PAMR1: variants seen among roughly 807,000 people sequenced by gnomAD.
PAMR1 encodes the protein peptidase domain containing associated with muscle regeneration 1.
A neutral mutation model predicts 81.8 loss-of-function variants in PAMR1; 88 were observed. That is an observed-to-expected ratio of 1.08 (90% CI 0.91 to 1.28). The LOEUF is 1.28. Ranked by LOEUF, PAMR1 falls within the 50% of genes most tolerant of loss-of-function variation. The pLI, the probability that PAMR1 is intolerant of heterozygous loss-of-function variation, is 0.00. For missense variants in PAMR1, 935 were observed against 919.7 expected, an observed-to-expected ratio of 1.02 and a Z score of -0.21; for synonymous variants, 336 against 345.3, an observed-to-expected ratio of 0.97 and a Z score of 0.30.
chr11:35,466,716 G>A (rs1329445476), intron 6 of PAMR1, among the ~76,000 whole-genome samples: 2 of 115,434 alleles, frequency 1.7e-5, no homozygotes, highest in African/African-American at 7.6e-5. Flanking sequence ...GACAGAGAGA[G>A]GCTCTATCTC....
intron 6 of PAMR1, among the ~76,000 whole-genome samples, chr11:35,466,125 C>T (rs1404226559): frequency 6.6e-6 from 1 of 151,972 alleles, no homozygotes; most frequent in Non-Finnish European, 1.5e-5. Context: ...AGAAATTAAG[C>T]CTTCCCTCTT....
chr11:35,447,685 C>T (rs1461769674), intron 6 of PAMR1, among the ~76,000 whole-genome samples: 5 of 152,114 alleles, frequency 3.3e-5, no homozygotes, highest in East Asian at 1.9e-4. Flanking sequence ...ATCCTGTCAT[C>T]GTGATGCTCG....
At position 35,441,456 on chromosome 11, in the gene PAMR1, G is replaced by A. The variant is rs201085073; in HGVS notation, c.1033+25C>T. The A allele has an allele frequency of 2.5e-5, 39 of 1,555,966 alleles. No individual in the cohort carries two copies. The East Asian group carries it at 7.6e-4, about 30-fold the overall frequency. ...TCTAGCAACTTCATCAATGTCCGTA[G>A]ACTTCAGAAACAATTGTAAGTTACC... On this transcript the variant is annotated intron_variant, in intron 7 of 10. Coordinates refer to ENST00000619888, the MANE Select transcript of PAMR1 (RefSeq NM_001001991.3).
At chr11:35,433,297 T>C (rs1855951344) in intron 10 of PAMR1, among the ~76,000 whole-genome samples, 1 of 152,258 alleles carries the variant, frequency 6.6e-6, no homozygotes, top group African/African-American at 2.4e-5. Flanking sequence ...ATTAAAAATA[T>C]GTTTCAGCAC....
At chr11:35,445,112 G>T (rs979076142) in intron 6 of PAMR1, among the ~76,000 whole-genome samples, 7 of 152,088 alleles carry the variant, frequency 4.6e-5, no homozygotes, top group African/African-American at 1.7e-4. Context: ...ATTGTGAATG[G>T]GAGTTCATTC....
chr11:35,498,214 T>C (rs1266180003), intron 1 of PAMR1, among the ~76,000 whole-genome samples: 1 of 152,234 alleles, frequency 6.6e-6, no homozygotes, highest in Non-Finnish European at 1.5e-5. Flanking sequence ...CATTTTATGT[T>C]ATCTACATAT....
chr11:35,518,672 T>C (rs535612739), intron 1 of PAMR1, among the ~76,000 whole-genome samples: 2 of 151,944 alleles, frequency 1.3e-5, no homozygotes, highest in South Asian at 2.1e-4. Context: ...AGTGGAATTA[T>C]AAAGTAAATA....
intron 6 of PAMR1, among the ~76,000 whole-genome samples, chr11:35,456,979 A>G (rs1478966304): frequency 1.3e-5 from 2 of 152,206 alleles, no homozygotes; most frequent in Non-Finnish European, 2.9e-5. Context: ...CAGATAATGC[A>G]ACCCTAAAAT....
At chr11:35,468,445 AG>A (rs1297826250) in intron 5 of PAMR1, among the ~76,000 whole-genome samples, 1 of 152,224 alleles carries the variant, frequency 6.6e-6, no homozygotes, top group Admixed American at 6.5e-5. Context: ...CAGCGGACAG[AG>A]ACATCCTTGG....
At position 35,434,574 on chromosome 11, in the gene PAMR1, C is replaced by T. The variant is rs935760375; in HGVS notation, c.1564G>A (p.Val522Ile). The change falls in exon 10 of 11, where the codon GTT (valine) becomes ATT (isoleucine). Residue 522 changes from valine (V) to isoleucine (I), a missense_variant. Physicochemically the swap from Val to Ile is conservative, Grantham distance 29. Coordinates refer to ENST00000619888, the MANE Select transcript of PAMR1 (RefSeq NM_001001991.3). ...VTMIKTADLK[V>I]VLGKFYRDDD... ...TCCCGGTAGAATTTCCCCAAAACAACTTTCAGGTCTGCTGTCTTGATCATG... is the reference window on the plus strand; with the variant it reads ...TCCCGGTAGAATTTCCCCAAAACAATTTTCAGGTCTGCTGTCTTGATCATG... 2 of 1,614,114 alleles carry T rather than the reference C, an allele frequency of 1.2e-6. No homozygotes were observed. The highest frequency in any genetic ancestry group is 1.7e-5 in the Admixed American group (1 of 60,010).
At chr11:35,505,849 T>G (rs1317233050) in intron 1 of PAMR1, among the ~76,000 whole-genome samples, 1 of 152,130 alleles carries the variant, frequency 6.6e-6, no homozygotes, top group Non-Finnish European at 1.5e-5. Flanking sequence ...CTCATGTAAA[T>G]TTAGAGTTGT....
At chr11:35,515,286 C>T (rs983465230) in intron 1 of PAMR1, among the ~76,000 whole-genome samples, 4 of 152,140 alleles carry the variant, frequency 2.6e-5, no homozygotes, top group African/African-American at 9.7e-5. Flanking sequence ...TGTTACTGTC[C>T]TCCTATCCAG....
rs1276466127 is a variant in PAMR1, at chr11:35,492,096, C to A, written c.328G>T (p.Gly110Trp). The part of the protein sequence containing the change: ...GGTLDDFYVK[G>W]FYCAECRAGW... ...GCTCGGCACTCTGCACAGTAGAACC[C>A]CTTCACATAGAAGTCATCCAAGGTA... The change falls in exon 3 of 11, where the codon GGG becomes TGG. Residue 110 changes from glycine to tryptophan, a missense_variant. Transcript: ENST00000619888. 1 of 1,613,980 alleles carries A rather than the reference C, an allele frequency of 6.2e-7. No individual in the cohort carries two copies. The highest frequency in any genetic ancestry group is 1.3e-5 in the African/African-American group (1 of 74,902).
At chr11:35,481,096 A>T (rs947283513) in intron 3 of PAMR1, among the ~76,000 whole-genome samples, 1 of 152,174 alleles carries the variant, frequency 6.6e-6, no homozygotes, top group African/African-American at 2.4e-5. Context: ...TTCTTTATCC[A>T]GTCTATCATT....
chr11:35,525,692 C>A (rs949476000), upstream of PAMR1: 11 of 882,914 alleles, frequency 1.2e-5, no homozygotes, highest in African/African-American at 1.7e-4. Flanking sequence ...CCCAGCTGAG[C>A]GGGAGCTCGG....
intron 6 of PAMR1, among the ~76,000 whole-genome samples, chr11:35,447,305 C>T (rs1856315533): frequency 6.6e-6 from 1 of 150,724 alleles, no homozygotes; most frequent in Non-Finnish European, 1.5e-5. Flanking sequence ...CAGGTTCATG[C>T]CATTCTCCTG....
At chr11:35,463,457 A>G (rs1565337081) in intron 6 of PAMR1, among the ~76,000 whole-genome samples, 1 of 152,248 alleles carries the variant, frequency 6.6e-6, no homozygotes, top group South Asian at 2.1e-4. Flanking sequence ...CAAAGGCAAC[A>G]TGGAAATTAG....
At chr11:35,477,325 T>C (rs547503610) in intron 3 of PAMR1, among the ~76,000 whole-genome samples, 51 of 152,372 alleles carry the variant, frequency 3.3e-4, no homozygotes, top group African/African-American at 1.2e-3. Context: ...TTTTCTCATT[T>C]AGTCTTCATA....
chr11:35,436,067 T>C lies in PAMR1; in HGVS notation c.1169A>G (p.Lys390Arg). ...SKQKLQSAPT[K>R]KPALPFGDLP... is the part of the protein sequence containing the mutation. The stretch of plus-strand genomic sequence containing the variant: ...ATCTCCAAAGGGAAGGGCTGGCTTC[T>C]TGGTAGGGGCACTCTGCAGTTTCTG... Residue 390 changes from lysine to arginine, a missense_variant, in exon 9 of 11, where the codon AAG becomes AGG. Transcript: ENST00000619888. The C allele has an allele frequency of 6.2e-7, 1 of 1,614,144 alleles. No homozygotes were observed. The highest frequency in any genetic ancestry group is 1.3e-5 in the African/African-American group (1 of 75,024).
Sources: gnomAD v4.1 joint callset for allele counts (sites outside exome capture counted in the v4.1 genomes callset) on GRCh38, gnomAD v4.1.1 for gene constraint, MANE v1.5 for transcripts, NCBI Gene and HGNC (gene_info 2026-07-23, HGNC 2026-07-21) for gene names.